ALPK2: variants seen among roughly 807,000 people sequenced by gnomAD.
ALPK2 encodes alpha kinase 2.
In ALPK2, 127 loss-of-function variants were observed where a neutral mutation model predicts 163.1. The observed-to-expected ratio is 0.78, with a 90% CI of 0.67 to 0.90. ALPK2 has a LOEUF of 0.90. Among genes scored for constraint, ALPK2 ranks in the 40% least tolerant of loss-of-function variants. The pLI is 0.00. For missense variants in ALPK2, 2,360 were observed against 2,589.6 expected, an observed-to-expected ratio of 0.91 and a Z score of 1.92; for synonymous variants, 953 against 959.1, an observed-to-expected ratio of 0.99 and a Z score of 0.12.
rs199847239 is a variant in ALPK2 at position 58,535,352 on chromosome 18, G to A, written c.4835C>T (p.Ser1612Leu). Residue 1612 changes from serine (S) to leucine (L), a missense_variant, in exon 5 of 13, where the codon TCA becomes TTA. By Grantham distance (145) the Ser-to-Leu change is moderately radical. Transcript: ENST00000361673. ...GTCTGTGACATTTCCTTCAGGAGAT[G>A]AAGTACAAGGGAACCTGGTAAGATC... Reference protein sequence around the residue: ...SPDLTRFPCTSSPEGNVTDFL... With the variant: ...SPDLTRFPCTLSPEGNVTDFL... 6.2e-7 allele frequency: 1 copy of A among 1,614,178 alleles called. No homozygotes were observed. Among genetic ancestry groups the A allele is most frequent in the Admixed American group, 1.7e-5 (1 of 60,020 alleles).
intron 11 of ALPK2, among the ~76,000 whole-genome samples, chr18:58,503,277 C>G (rs1283466838): frequency 1.3e-5 from 2 of 152,166 alleles, no homozygotes; most frequent in African/African-American, 4.8e-5. Context: ...TCTTAATTTA[C>G]CTTATGGTAG....
chr18:58,488,949 T>C (rs1435900515), intron 12 of ALPK2, among the ~76,000 whole-genome samples: 1 of 152,198 alleles, frequency 6.6e-6, no homozygotes, highest in East Asian at 1.9e-4. Flanking sequence ...CTCATTGATT[T>C]CTTCATTGAT....
intron 10 of ALPK2, among the ~76,000 whole-genome samples, chr18:58,512,913 ATGTGTGATG>A (rs1362569416): frequency 4.8e-4 from 23 of 48,166 alleles, no homozygotes; most frequent in Admixed American, 2.6e-3. Context: ...TGTGTGGTGT[ATGTGTGATG>A]TGTGGGGTGT....
At chr18:58,526,867 G>A (rs1221830296) in intron 6 of ALPK2, among the ~76,000 whole-genome samples, 1 of 152,224 alleles carries the variant, frequency 6.6e-6, no homozygotes, top group Non-Finnish European at 1.5e-5. Context: ...CATTGAGGAT[G>A]ATCTAGTGAA....
chr18:58,522,995 G>T (rs532810223), intron 8 of ALPK2, among the ~76,000 whole-genome samples: 1 of 148,474 alleles, frequency 6.7e-6, no homozygotes, highest in Non-Finnish European at 1.5e-5. Context: ...CATGTGCCAT[G>T]CTGGTGTGCT....
Position 58,481,584 on chromosome 18 carries a change from G to A in ALPK2, c.*239C>T, listed in dbSNP as rs2051311328. 1.8e-6 allele frequency: 1 copy of A among 550,972 alleles called. No individual in the cohort carries two copies. The highest frequency in any genetic ancestry group is 3.1e-5 in the East Asian group (1 of 31,846). The allele number at this position is 550,972 out of a possible 1,614,324, so 34.1% of individuals were successfully genotyped here. ...TAAACATGTATATAAAGAATGGACT[G>A]TCTTTGAGACCAATCGTTGATTCAA... On this transcript the variant is annotated 3_prime_UTR_variant, in exon 13 of 13. Transcript: ENST00000361673.
Position 58,607,366 on chromosome 18 carries a change from A to T in ALPK2, c.183T>A (p.Tyr61Ter), listed in dbSNP as rs753996028. The stretch of plus-strand genomic sequence containing the variant: ...GAATATACTGATTCTCAAAGAATTC[A>T]TAGTTGGAAATAATGCCACTCCCAT... ...AIDGSGIISN[Y>*]EFFENQYIHV... Residue 61 changes from tyrosine to a stop codon, truncating the protein, a stop_gained, in exon 3 of 13, where the codon TAT (tyrosine) becomes TAA (stop). Coordinates refer to ENST00000361673, the MANE Select transcript of ALPK2 (RefSeq NM_052947.4). LOFTEE classifies it high-confidence loss of function. 1.3e-5 allele frequency: 21 copies of T among 1,613,842 alleles called. No individual in the cohort carries two copies. The South Asian group carries it at 1.9e-4, about 14-fold the overall frequency.
intron 4 of ALPK2, chr18:58,544,897 A>T (rs990994367): frequency 6.6e-6 from 1 of 152,230 alleles, no homozygotes; most frequent in African/African-American, 2.4e-5. Flanking sequence ...CCAGCCTCTT[A>T]CATAGCTAGA....
intron 1 of ALPK2, among the ~76,000 whole-genome samples, chr18:58,616,343 T>C (rs2052168317): frequency 6.6e-6 from 1 of 152,232 alleles, no homozygotes; most frequent in Non-Finnish European, 1.5e-5. Flanking sequence ...TTCTTTTACC[T>C]GTCCAAGGCA....
At chr18:58,561,122 G>A (rs149335614) in intron 4 of ALPK2, among the ~76,000 whole-genome samples, 39 of 152,266 alleles carry the variant, frequency 2.6e-4, no homozygotes, top group African/African-American at 7.9e-4. Context: ...GTCAGATACC[G>A]TATGTGCCCA....
chr18:58,547,104 A>G (rs979557666), intron 4 of ALPK2, among the ~76,000 whole-genome samples: 5 of 143,804 alleles, frequency 3.5e-5, no homozygotes, highest in Non-Finnish European at 7.7e-5. Flanking sequence ...GGTCTCTCAG[A>G]GTCTTTCTTC....
chr18:58,599,943 C>CTGTTCTT (rs2144219805), intron 3 of ALPK2, among the ~76,000 whole-genome samples: 1 of 147,460 alleles, frequency 6.8e-6, no homozygotes, highest in South Asian at 2.2e-4. Context: ...AAAAGATTGT[C>CTGTTCTT]TGTTCTTTGT....
At chr18:58,495,030 C>A (rs1225536676) in intron 12 of ALPK2, among the ~76,000 whole-genome samples, 1 of 151,552 alleles carries the variant, frequency 6.6e-6, no homozygotes, top group South Asian at 2.1e-4. Flanking sequence ...AGCAAGCAGG[C>A]TGCCCCATGC....
chr18:58,496,123 C>G (rs1602185715), intron 12 of ALPK2, among the ~76,000 whole-genome samples: 1 of 152,152 alleles, frequency 6.6e-6, no homozygotes, highest in African/African-American at 2.4e-5. Flanking sequence ...ATGGTACCAT[C>G]ATGGGGAAAC....
In ALPK2 at chr18:58,536,872, G is replaced by A; in HGVS notation, c.3315C>T (p.Asn1105=). ...FCSNSPLQVD[N]LSGDKSQTVD... is the part of the protein sequence containing the mutation. ...CAGTCTGGCTCTTATCTCCAGACAG[G>A]TTATCAACCTGAAGAGGGGAATTAC... Residue 1105 remains asparagine, a synonymous_variant, in exon 5 of 13, where the codon AAC becomes AAT. Transcript: ENST00000361673. 6.2e-7 allele frequency: 1 copy of A among 1,614,152 alleles called. No homozygotes were observed.
chr18:58,574,628 G>A (rs563201905), intron 4 of ALPK2, among the ~76,000 whole-genome samples: 6 of 152,050 alleles, frequency 3.9e-5, no homozygotes, highest in Admixed American at 2.6e-4. Flanking sequence ...CAGTCCTTAC[G>A]AGAATCTAAT....
chr18:58,573,210 A>ATGTG (rs1275492143), intron 4 of ALPK2, among the ~76,000 whole-genome samples: 2 of 141,990 alleles, frequency 1.4e-5, no homozygotes, highest in African/African-American at 2.7e-5. Flanking sequence ...ATATGTGTAT[A>ATGTG]TATGTATATA....
intron 10 of ALPK2, among the ~76,000 whole-genome samples, chr18:58,509,566 G>C (rs1403273879): frequency 1.3e-5 from 2 of 151,850 alleles, no homozygotes; most frequent in Non-Finnish European, 2.9e-5. Context: ...ACTTTTTAAT[G>C]ATCGCCATTC....
At chr18:58,511,199 C>T (rs1203493235) in intron 10 of ALPK2, among the ~76,000 whole-genome samples, 6 of 152,062 alleles carry the variant, frequency 3.9e-5, no homozygotes, top group South Asian at 2.1e-4. Context: ...TATTGATTTG[C>T]ATATGTTGAA....
Sources: gnomAD v4.1 joint callset for allele counts (sites outside exome capture counted in the v4.1 genomes callset) on GRCh38, gnomAD v4.1.1 for gene constraint, MANE v1.5 for transcripts, NCBI Gene and HGNC (gene_info 2026-07-23, HGNC 2026-07-21) for gene names.